The following VTI1A variants were observed in gnomAD, a reference collection of about 807,000 sequenced individuals.
VTI1A encodes the protein vesicle transport through interaction with t-SNAREs 1A, also known as vesicle transport through interaction with t-SNAREs homolog 1A.
Under a neutral mutation model 34.9 loss-of-function variants are expected in VTI1A, and 22 were observed. The ratio of observed to expected loss-of-function variants is 0.63; its 90% confidence interval spans 0.45 to 0.90. The LOEUF is 0.90. Among genes scored for constraint, VTI1A ranks in the 40% least tolerant of loss-of-function variants. The pLI, the probability that VTI1A is intolerant of heterozygous loss-of-function variation, is 0.00. For synonymous variants in VTI1A, 87 were observed against 97.3 expected (o/e 0.89, Z 0.62); for missense variants, 268 against 275.6 (o/e 0.97, Z 0.20).
intron 7 of VTI1A, among the ~76,000 whole-genome samples, chr10:112,792,051 G>A (rs570127264): frequency 5.9e-5 from 9 of 152,226 alleles, no homozygotes; most frequent in South Asian, 2.1e-4. Context: ...TGAGGCAGGC[G>A]TATCACAATG....
intron 7 of VTI1A, among the ~76,000 whole-genome samples, chr10:112,787,804 C>G (rs552577224): frequency 6.8e-6 from 1 of 147,224 alleles, no homozygotes; most frequent in African/African-American, 2.5e-5. Flanking sequence ...TGTGTTCAAG[C>G]GATTCTCTTG....
chr10:112,837,711 G>A, the VTI1A span, among the ~76,000 whole-genome samples: 1 of 152,180 alleles, frequency 6.6e-6, no homozygotes, highest in Admixed American at 6.5e-5. Context: ...CATAGAGCAG[G>A]CAGCCAAGTC....
At chr10:112,524,004 G>T (rs1490110440) in intron 3 of VTI1A, among the ~76,000 whole-genome samples, 1 of 151,942 alleles carries the variant, frequency 6.6e-6, no homozygotes, top group East Asian at 1.9e-4. Context: ...TTAAATTATT[G>T]TGTAGGTACT....
chr10:112,748,700 A>G (rs531283087), intron 7 of VTI1A, among the ~76,000 whole-genome samples: 167 of 133,828 alleles, frequency 1.2e-3, no homozygotes, highest in Non-Finnish European at 2.2e-3. Context: ...ATCTCGGCTC[A>G]CTGCAAGCTC....
At position 112,636,728 on chromosome 10, in the gene VTI1A, CA is replaced by C. The variant is rs10667914; in HGVS notation, c.428-31472del. ...TGGGTGCCAGAGCAAGACTCGATCT[CA>C]AAAAAAAAAAAAAAAAACTTCAAGT... is the stretch of plus-strand genomic sequence containing the variant. On this transcript the variant is annotated intron_variant, in intron 5 of 7. Transcript: ENST00000393077. 8.7e-3 allele frequency among the ~76,000 whole-genome samples: 968 copies of C among 111,668 alleles called. 13 individuals are homozygous for C. The highest frequency in any genetic ancestry group is 0.034 in the African/African-American group (913 of 26,954). 73.3% of individuals were successfully genotyped at this position (111,668 alleles called of 152,430 possible). A position where few individuals can be genotyped will look rare whatever the true frequency, so the allele number is the denominator to read the frequency against.
chr10:112,772,778 G>C (rs1851849661), intron 7 of VTI1A, among the ~76,000 whole-genome samples: 1 of 152,158 alleles, frequency 6.6e-6, no homozygotes. Context: ...GTACAGCCAT[G>C]TTTTTGAAGG....
chr10:112,497,221 G>A (rs919551244), intron 3 of VTI1A, among the ~76,000 whole-genome samples: 6 of 152,080 alleles, frequency 3.9e-5, no homozygotes, highest in Admixed American at 2.0e-4. Context: ...GGGAGGCTGA[G>A]GCAGGCGAAT....
intron 5 of VTI1A, among the ~76,000 whole-genome samples, chr10:112,608,042 C>T (rs1011661891): frequency 3.3e-5 from 5 of 152,120 alleles, no homozygotes; most frequent in African/African-American, 9.7e-5. Context: ...CCTGATACAA[C>T]GTGGGAGGGA....
chr10:112,709,038 AGGGATTATCCC>A (rs1849304592), intron 7 of VTI1A, among the ~76,000 whole-genome samples: 2 of 152,080 alleles, frequency 1.3e-5, no homozygotes, highest in Non-Finnish European at 2.9e-5. Flanking sequence ...CAATTTTCTT[AGGGATTATCCC>A]GGGAGGGGTA....
intron 3 of VTI1A, among the ~76,000 whole-genome samples, chr10:112,525,959 T>C (rs1483081025): frequency 6.6e-6 from 1 of 152,232 alleles, no homozygotes; most frequent in Non-Finnish European, 1.5e-5. Flanking sequence ...CTACAATACT[T>C]TTTCAGATCA....
the VTI1A span, among the ~76,000 whole-genome samples, chr10:112,853,464 G>A: frequency 6.4e-4 from 98 of 152,288 alleles, no homozygotes; most frequent in African/African-American, 2.2e-3. Flanking sequence ...ATGAGGCGAG[G>A]GGCAAGGTGC....
chr10:112,774,841 C>T (rs1410888080), intron 7 of VTI1A, among the ~76,000 whole-genome samples: 1 of 152,146 alleles, frequency 6.6e-6, no homozygotes, highest in Non-Finnish European at 1.5e-5. Context: ...AAGCCCCCCT[C>T]CTGAGGGCCT....
intron 5 of VTI1A, among the ~76,000 whole-genome samples, chr10:112,583,305 T>C (rs1844022227): frequency 1.3e-5 from 2 of 152,304 alleles, no homozygotes; most frequent in East Asian, 3.9e-4. Flanking sequence ...TCTTTTTCAT[T>C]TTCTCAGGTC....
intron 2 of VTI1A, among the ~76,000 whole-genome samples, chr10:112,462,896 TTTTATTTATTTA>T (rs59884374): frequency 0.15 from 21,995 of 144,760 alleles, 1,981 homozygotes; most frequent in African/African-American, 0.27. Flanking sequence ...TGTTACTGGT[TTTTATTTATTTA>T]TTTATTTATT....
At chr10:112,737,083 T>C (rs564896352) in intron 7 of VTI1A, 4 of 370,152 alleles carry the variant, frequency 1.1e-5, no homozygotes, top group African/African-American at 2.0e-5. Flanking sequence ...TTTTTCTTTT[T>C]TTTTTTGAGA....
At chr10:112,696,094 TTATA>T (rs140889088) in intron 7 of VTI1A, among the ~76,000 whole-genome samples, 4 of 145,108 alleles carry the variant, frequency 2.8e-5, no homozygotes, top group African/African-American at 2.5e-5. Flanking sequence ...GAGAGAATGA[TTATA>T]TATATATATA....
intron 5 of VTI1A, among the ~76,000 whole-genome samples, chr10:112,596,589 A>G (rs1844657270): frequency 6.6e-6 from 1 of 152,168 alleles, no homozygotes; most frequent in African/African-American, 2.4e-5. Flanking sequence ...GCTGAAAAAC[A>G]TAATATTTTC....
chr10:112,520,639 G>GTA (rs1485151139), intron 3 of VTI1A, among the ~76,000 whole-genome samples: 18 of 128,254 alleles, frequency 1.4e-4, no homozygotes, highest in African/African-American at 4.8e-4. Flanking sequence ...GTGTGTGTGT[G>GTA]TGTGTGTGTA....
chr10:112,757,478 C>T (rs188794195), intron 7 of VTI1A, among the ~76,000 whole-genome samples: 11 of 148,558 alleles, frequency 7.4e-5, no homozygotes, highest in African/African-American at 1.5e-4. Context: ...GCAATTCTTC[C>T]GCGTCAAGTG....
Sources: gnomAD v4.1 joint callset for allele counts (sites outside exome capture counted in the v4.1 genomes callset) on GRCh38, gnomAD v4.1.1 for gene constraint, MANE v1.5 for transcripts, NCBI Gene and HGNC (gene_info 2026-07-23, HGNC 2026-07-21) for gene names.